Variants in REDIC1 observed in about 807,000 individuals in gnomAD.
The protein encoded by REDIC1 is HEI10 Interacting Protein 1.
At chr12:39,742,584 C>A in the REDIC1 span, among the ~76,000 whole-genome samples, 2 of 152,078 alleles carry the variant, frequency 1.3e-5, no homozygotes, top group African/African-American at 4.8e-5. Flanking sequence ...CTCAGAAAAG[C>A]CTTCAGTGTC....
At chr12:39,770,773 A>T in the REDIC1 span, among the ~76,000 whole-genome samples, 1 of 152,124 alleles carries the variant, frequency 6.6e-6, no homozygotes, top group African/African-American at 2.4e-5. Context: ...ATGGTTTAAA[A>T]TCTTGCAGTT....
the REDIC1 span, among the ~76,000 whole-genome samples, chr12:39,789,572 T>C: frequency 1.3e-5 from 2 of 152,148 alleles, no homozygotes; most frequent in East Asian, 1.9e-4. Context: ...ACAGAATAAA[T>C]AGAATTGCTG....
At chr12:39,670,921 A>T in the REDIC1 span, among the ~76,000 whole-genome samples, 1 of 151,734 alleles carries the variant, frequency 6.6e-6, no homozygotes, top group East Asian at 1.9e-4. Context: ...TGAATTTCTC[A>T]TTTATATTCT....
the REDIC1 span, among the ~76,000 whole-genome samples, chr12:39,656,235 C>G: frequency 6.6e-6 from 1 of 152,134 alleles, no homozygotes; most frequent in Non-Finnish European, 1.5e-5. Flanking sequence ...GTTTAATTTT[C>G]TGGAAGAGTT....
the REDIC1 span, among the ~76,000 whole-genome samples, chr12:39,744,670 G>T: frequency 0.02 from 3,092 of 151,888 alleles, 57 homozygotes; most frequent in Non-Finnish European, 0.031. Flanking sequence ...AGTGAATAAA[G>T]AAATATAACT....
chr12:39,864,876 G>A, the REDIC1 span: 763 of 1,607,308 alleles, frequency 4.7e-4, 8 homozygotes, highest in Non-Finnish European at 1.1e-4. Context: ...GAGTGCTACG[G>A]TGGTACCTTA....
the REDIC1 span, among the ~76,000 whole-genome samples, chr12:39,680,060 A>T: frequency 6.6e-6 from 1 of 152,236 alleles, no homozygotes; most frequent in African/African-American, 2.4e-5. Context: ...AAACTCTTCT[A>T]GACATTGGCT....
the REDIC1 span, among the ~76,000 whole-genome samples, chr12:39,740,559 A>G: frequency 4.9e-4 from 75 of 152,138 alleles, no homozygotes; most frequent in South Asian, 1.4e-3. Flanking sequence ...GTGATACATT[A>G]AGGTTTTATT....
At chr12:39,678,629 CAAAAAAAAAA>C in the REDIC1 span, among the ~76,000 whole-genome samples, 2 of 96,204 alleles carry the variant, frequency 2.1e-5, no homozygotes, top group South Asian at 3.6e-4. Context: ...AAAGGCATAA[CAAAAAAAAAA>C]AAAAAAAAAA....
At chr12:39,711,906 C>CGTGT in the REDIC1 span, among the ~76,000 whole-genome samples, 1 of 128,134 alleles carries the variant, frequency 7.8e-6, no homozygotes, top group Non-Finnish European at 1.6e-5. Context: ...CACGTATACA[C>CGTGT]ATGTATATAC....
chr12:39,898,055 T>C, the REDIC1 span, among the ~76,000 whole-genome samples: 1 of 152,128 alleles, frequency 6.6e-6, no homozygotes, highest in African/African-American at 2.4e-5. Flanking sequence ...TACATCATTA[T>C]ATTGAGGAGG....
the REDIC1 span, among the ~76,000 whole-genome samples, chr12:39,739,940 G>A: frequency 6.6e-6 from 1 of 152,154 alleles, no homozygotes; most frequent in Non-Finnish European, 1.5e-5. Flanking sequence ...CAGCTTACAC[G>A]AATAAGCTTG....
chr12:39,861,298 T>G, the REDIC1 span, among the ~76,000 whole-genome samples: 3 of 152,226 alleles, frequency 2.0e-5, no homozygotes, highest in Non-Finnish European at 4.4e-5. Context: ...GTTTAAGGCA[T>G]TTTCCATATG....
the REDIC1 span, among the ~76,000 whole-genome samples, chr12:39,883,030 G>T: frequency 6.6e-6 from 1 of 151,958 alleles, no homozygotes; most frequent in Non-Finnish European, 1.5e-5. Context: ...GGTTCATATG[G>T]CTTTCCACCT....
chr12:39,630,753 C>T, the REDIC1 span, among the ~76,000 whole-genome samples: 110 of 152,256 alleles, frequency 7.2e-4, no homozygotes, highest in Non-Finnish European at 1.3e-3. Flanking sequence ...AAAAGCATTA[C>T]CTAAATAGTT....
chr12:39,848,886 C>T, the REDIC1 span, among the ~76,000 whole-genome samples: 1 of 152,138 alleles, frequency 6.6e-6, no homozygotes, highest in Non-Finnish European at 1.5e-5. Context: ...ATGGATGGAG[C>T]TGGAGGCTAT....
chr12:39,860,769 C>A, the REDIC1 span, among the ~76,000 whole-genome samples: 1 of 152,088 alleles, frequency 6.6e-6, no homozygotes, highest in Admixed American at 6.6e-5. Context: ...ATCTGTCTAC[C>A]TGCTTATCTC....
At chr12:39,703,444 C>G in the REDIC1 span, among the ~76,000 whole-genome samples, 1 of 149,770 alleles carries the variant, frequency 6.7e-6, no homozygotes, top group Non-Finnish European at 1.5e-5. Context: ...AGGATACAAA[C>G]AAATGGAAGA....
chr12:39,821,842 T>C, the REDIC1 span, among the ~76,000 whole-genome samples: 22 of 152,258 alleles, frequency 1.4e-4, no homozygotes, highest in South Asian at 1.7e-3. Context: ...AGCAGATACT[T>C]TGAACAATAA....
Sources: gnomAD v4.1 joint callset for allele counts (sites outside exome capture counted in the v4.1 genomes callset) on GRCh38, gnomAD v4.1.1 for gene constraint, MANE v1.5 for transcripts, NCBI Gene and HGNC (gene_info 2026-07-23, HGNC 2026-07-21) for gene names.